The following NRXN3 variants were observed in gnomAD, a reference collection of about 807,000 sequenced individuals.
NRXN3 encodes the protein neurexin III.
NRXN3 carries 32 observed loss-of-function variants against 137.6 expected under a neutral mutation model. The ratio of observed to expected loss-of-function variants is 0.23; its 90% confidence interval spans 0.18 to 0.31. NRXN3 has a LOEUF of 0.31. Ranked by LOEUF, NRXN3 falls within the 10% of genes least tolerant of loss-of-function variation. NRXN3 has a pLI of 1.00. For missense variants in NRXN3, 1,574 were observed against 2,062.5 expected, an observed-to-expected ratio of 0.76 and a Z score of 4.59; for synonymous variants, 798 against 784.5, an observed-to-expected ratio of 1.02 and a Z score of -0.29.
At chr14:79,090,480 G>A (rs1167693186) in intron 15 of NRXN3, among the ~76,000 whole-genome samples, 1 of 151,942 alleles carries the variant, frequency 6.6e-6, no homozygotes, top group Non-Finnish European at 1.5e-5. Context: ...TTCTCATCTT[G>A]TTCCTTTGCT....
chr14:79,457,580 T>C (rs1251597873), intron 15 of NRXN3, among the ~76,000 whole-genome samples: 3 of 152,208 alleles, frequency 2.0e-5, no homozygotes, highest in Non-Finnish European at 4.4e-5. Flanking sequence ...ATGTGTCTCA[T>C]AGAATCAAAT....
At chr14:79,581,334 T>C (rs2097714298) in intron 16 of NRXN3, among the ~76,000 whole-genome samples, 1 of 152,226 alleles carries the variant, frequency 6.6e-6, no homozygotes, top group South Asian at 2.1e-4. Context: ...GCCACTCATC[T>C]ACCTTACATC....
At chr14:79,327,793 G>C (rs1032051196) in intron 15 of NRXN3, among the ~76,000 whole-genome samples, 1 of 152,064 alleles carries the variant, frequency 6.6e-6, no homozygotes, top group African/African-American at 2.4e-5. Context: ...TCTTTCTTTG[G>C]TCCATTGGTG....
intron 20 of NRXN3, among the ~76,000 whole-genome samples, chr14:79,824,893 A>C (rs1231930269): frequency 6.6e-6 from 1 of 152,232 alleles, no homozygotes; most frequent in Non-Finnish European, 1.5e-5. Flanking sequence ...TTATTCTAAG[A>C]ATGTTCTTAT....
At chr14:78,711,730 T>C (rs4903789) in intron 7 of NRXN3, among the ~76,000 whole-genome samples, 151,100 of 152,190 alleles carry the variant, frequency 0.99, 75,018 homozygotes, top group East Asian at 1. Context: ...AGTAAGCCAC[T>C]GTGCCAGGCC....
intron 15 of NRXN3, among the ~76,000 whole-genome samples, chr14:79,426,555 G>A (rs1424149763): frequency 1.3e-5 from 2 of 152,198 alleles, no homozygotes; most frequent in African/African-American, 2.4e-5. Context: ...GCTTTGTGAA[G>A]CTCAAAGTCT....
intron 16 of NRXN3, among the ~76,000 whole-genome samples, chr14:79,544,692 G>A (rs1440178123): frequency 1.3e-5 from 2 of 152,268 alleles, no homozygotes; most frequent in African/African-American, 2.4e-5. Flanking sequence ...ACTAAGGAGC[G>A]AAGAGCCTAG....
intron 6 of NRXN3, among the ~76,000 whole-genome samples, chr14:78,657,906 C>T (rs1215832812): frequency 6.6e-6 from 1 of 152,148 alleles, no homozygotes; most frequent in Non-Finnish European, 1.5e-5. Context: ...TGCTATCTCT[C>T]ATGCTATCAC....
intron 15 of NRXN3, among the ~76,000 whole-genome samples, chr14:79,118,052 A>C (rs2054763814): frequency 6.6e-6 from 1 of 151,840 alleles, no homozygotes; most frequent in Non-Finnish European, 1.5e-5. Flanking sequence ...TGCAGATTTT[A>C]GTGAAGATGT....
chr14:78,606,650 T>C (rs149851825), intron 4 of NRXN3, among the ~76,000 whole-genome samples: 1 of 152,220 alleles, frequency 6.6e-6, no homozygotes, highest in Non-Finnish European at 1.5e-5. Flanking sequence ...TCGATAAATA[T>C]GTTTTGGACT....
chr14:79,517,264 T>C (rs1317645312), intron 16 of NRXN3, among the ~76,000 whole-genome samples: 1 of 152,198 alleles, frequency 6.6e-6, no homozygotes, highest in Non-Finnish European at 1.5e-5. Flanking sequence ...GTTTAGGAAC[T>C]TTTTAGAAAT....
chr14:79,524,154 A>G (rs1377200316), intron 16 of NRXN3, among the ~76,000 whole-genome samples: 3 of 152,154 alleles, frequency 2.0e-5, no homozygotes, highest in Admixed American at 1.3e-4. Context: ...CTAAGGAGAA[A>G]ACAGGATGTG....
intron 15 of NRXN3, among the ~76,000 whole-genome samples, chr14:79,422,551 G>A (rs1343156364): frequency 6.6e-6 from 1 of 152,116 alleles, no homozygotes; most frequent in Non-Finnish European, 1.5e-5. Context: ...TCACATTAGT[G>A]CTGTAGAGCC....
chr14:79,130,611 A>G (rs1362311070), intron 15 of NRXN3, among the ~76,000 whole-genome samples: 2 of 151,588 alleles, frequency 1.3e-5, no homozygotes, highest in Non-Finnish European at 2.9e-5. Context: ...TGCCCTTAAC[A>G]TTTTTTCCAT....
chr14:79,743,021 T>A (rs939993418), intron 19 of NRXN3, among the ~76,000 whole-genome samples: 6 of 152,188 alleles, frequency 3.9e-5, no homozygotes, highest in African/African-American at 1.4e-4. Context: ...CTCAAAACTT[T>A]CAGGGTCAGG....
intron 15 of NRXN3, among the ~76,000 whole-genome samples, chr14:79,055,062 C>A (rs1451630337): frequency 5.3e-5 from 8 of 152,118 alleles, no homozygotes; most frequent in African/African-American, 1.9e-4. Context: ...ACCCTAATCC[C>A]ACTACTGTGG....
chr14:79,186,229 C>G (rs577217166), intron 15 of NRXN3, among the ~76,000 whole-genome samples: 1 of 140,278 alleles, frequency 7.1e-6, no homozygotes, highest in Non-Finnish European at 1.6e-5. Context: ...CCAAACAAAT[C>G]GTGACGTCAA....
chr14:79,580,453 A>G (rs1369558620), intron 16 of NRXN3, among the ~76,000 whole-genome samples: 10 of 139,564 alleles, frequency 7.2e-5, no homozygotes, highest in South Asian at 2.3e-4. Context: ...TTTTTTTTTC[A>G]TAACTCAGCA....
At chr14:79,097,189 A>G (rs879760442) in intron 15 of NRXN3, among the ~76,000 whole-genome samples, 3 of 152,134 alleles carry the variant, frequency 2.0e-5, no homozygotes, top group Non-Finnish European at 4.4e-5. Flanking sequence ...CAACTGAGAT[A>G]GGTCTTGTAG....
Sources: allele counts gnomAD v4.1 joint callset (sites outside exome capture counted in the v4.1 genomes callset), GRCh38; gene constraint gnomAD v4.1.1; transcripts MANE v1.5; gene names NCBI Gene and HGNC (gene_info 2026-07-23, HGNC 2026-07-21).